FNDC3B: variants seen among roughly 807,000 people sequenced by gnomAD.
FNDC3B encodes fibronectin type III domain containing 3B.
FNDC3B carries 12 observed loss-of-function variants against 151.5 expected under a neutral mutation model. The observed-to-expected ratio is 0.08, with a 90% CI of 0.05 to 0.13. The LOEUF (loss-of-function observed/expected upper bound fraction) is 0.13, where lower values mean the gene tolerates loss of function less well. Among genes scored for constraint, FNDC3B ranks in the 10% least tolerant of loss-of-function variants. The pLI is 1.00. For missense variants in FNDC3B, 1,214 were observed against 1,505.3 expected, an observed-to-expected ratio of 0.81 and a Z score of 3.20; for synonymous variants, 528 against 549.0, an observed-to-expected ratio of 0.96 and a Z score of 0.54.
At chr3:172,117,607 C>T (rs1195980461) in intron 2 of FNDC3B, among the ~76,000 whole-genome samples, 1 of 152,170 alleles carries the variant, frequency 6.6e-6, no homozygotes, top group Non-Finnish European at 1.5e-5. Context: ...GTTAATTTAA[C>T]GTGATACTTA....
At position 172,298,424 on chromosome 3, in the gene FNDC3B, A is replaced by C. The variant is rs529938273; in HGVS notation, c.1002-304A>C. ...TTTTTATTCATTTGTTTGTTCATTC[A>C]TTCATTTGCTTACTTAGTTACTTAT... is the stretch of plus-strand genomic sequence containing the variant. On this transcript the variant is annotated intron_variant, in intron 8 of 25. Transcript: ENST00000415807. 2.1e-4 allele frequency among the ~76,000 whole-genome samples: 32 copies of C among 152,348 alleles called. No homozygotes were observed. The South Asian group carries it at 6.4e-3, about 31-fold the overall frequency.
At chr3:172,232,599 G>A (rs1726945724) in intron 4 of FNDC3B, among the ~76,000 whole-genome samples, 2 of 152,304 alleles carry the variant, frequency 1.3e-5, no homozygotes, top group South Asian at 2.1e-4. Flanking sequence ...TTAGTGGGAT[G>A]AGAGGTAGAG....
intron 3 of FNDC3B, among the ~76,000 whole-genome samples, chr3:172,189,421 G>A (rs1205156971): frequency 6.6e-6 from 1 of 152,108 alleles, no homozygotes; most frequent in Admixed American, 6.6e-5. Context: ...ACCTCAACAG[G>A]TGATCACCAT....
chr3:172,353,990 G>A (rs568503954), intron 22 of FNDC3B, among the ~76,000 whole-genome samples: 1 of 151,092 alleles, frequency 6.6e-6, no homozygotes, highest in African/African-American at 2.4e-5. Context: ...GATAGTCTTT[G>A]CTGGCCAATC....
chr3:172,072,691 G>C (rs1181909943), intron 1 of FNDC3B, among the ~76,000 whole-genome samples: 1 of 152,206 alleles, frequency 6.6e-6, no homozygotes, highest in African/African-American at 2.4e-5. Context: ...TAGGCGTGAT[G>C]ATAAGATAGT....
At chr3:172,376,161 A>G (rs1260833955) in intron 23 of FNDC3B, among the ~76,000 whole-genome samples, 1 of 152,270 alleles carries the variant, frequency 6.6e-6, no homozygotes, top group East Asian at 1.9e-4. Flanking sequence ...GAGCAAAACA[A>G]GAAGTTAAAG....
intron 16 of FNDC3B, among the ~76,000 whole-genome samples, chr3:172,339,825 C>G (rs1733198487): frequency 6.6e-6 from 1 of 152,134 alleles, no homozygotes; most frequent in Admixed American, 6.5e-5. Context: ...CTCCCAGTCA[C>G]CTTTTCAGTA....
At chr3:172,259,901 A>G (rs575457560) in intron 6 of FNDC3B, among the ~76,000 whole-genome samples, 33 of 152,244 alleles carry the variant, frequency 2.2e-4, no homozygotes, top group Non-Finnish European at 4.6e-4. Flanking sequence ...GAAGCTTCAC[A>G]TTTTTCACTT....
chr3:172,338,959 G>A (rs908436656), intron 16 of FNDC3B, among the ~76,000 whole-genome samples: 3 of 151,748 alleles, frequency 2.0e-5, no homozygotes, highest in African/African-American at 7.2e-5. Context: ...GGATAGTCTC[G>A]ATCTCCTGAC....
chr3:172,282,887 G>T (rs1033538249), intron 6 of FNDC3B, among the ~76,000 whole-genome samples: 2 of 152,204 alleles, frequency 1.3e-5, no homozygotes, highest in African/African-American at 4.8e-5. Flanking sequence ...TTCCTCATTT[G>T]TTCCTTATAT....
At chr3:172,203,656 G>A (rs1032534908) in intron 3 of FNDC3B, among the ~76,000 whole-genome samples, 2 of 152,164 alleles carry the variant, frequency 1.3e-5, no homozygotes, top group African/African-American at 4.8e-5. Flanking sequence ...CCAGATCGCA[G>A]TGGTAACAAC....
chr3:172,058,750 C>A (rs1211652685), intron 1 of FNDC3B, among the ~76,000 whole-genome samples: 1 of 152,112 alleles, frequency 6.6e-6, no homozygotes, highest in Non-Finnish European at 1.5e-5. Flanking sequence ...CAGAGTAAAT[C>A]ATCTCATTTT....
At chr3:172,152,956 G>C (rs538049375) in intron 3 of FNDC3B, among the ~76,000 whole-genome samples, 1 of 152,192 alleles carries the variant, frequency 6.6e-6, no homozygotes. Flanking sequence ...ATGACATCTG[G>C]CATGGCTTCT....
At chr3:172,246,996 C>T (rs566265127) in intron 4 of FNDC3B, among the ~76,000 whole-genome samples, 190 of 152,310 alleles carry the variant, frequency 1.2e-3, no homozygotes, top group Non-Finnish European at 2.2e-3. Flanking sequence ...GGCACACTTA[C>T]GGCTTCTGAC....
intron 23 of FNDC3B, among the ~76,000 whole-genome samples, chr3:172,376,401 C>T (rs760303723): frequency 6.6e-6 from 1 of 152,150 alleles, no homozygotes; most frequent in Non-Finnish European, 1.5e-5. Flanking sequence ...GGAAAGCATA[C>T]TGTTCCTAGT....
intron 2 of FNDC3B, among the ~76,000 whole-genome samples, chr3:172,132,140 G>C (rs995970535): frequency 2.2e-4 from 33 of 152,162 alleles, no homozygotes; most frequent in African/African-American, 8.0e-4. Context: ...TCAAAACACT[G>C]TTATCACAAG....
chr3:172,316,000 C>CTTTTTTTTTTTTTT (rs555242809), intron 11 of FNDC3B, among the ~76,000 whole-genome samples: 5 of 79,878 alleles, frequency 6.3e-5, no homozygotes, highest in South Asian at 6.3e-4. Context: ...CTTTCTTCTT[C>CTTTTTTTTTTTTTT]TTTTTTTTTT....
intron 8 of FNDC3B, among the ~76,000 whole-genome samples, chr3:172,297,364 A>AATACCT (rs1433123778): frequency 6.6e-6 from 1 of 152,216 alleles, no homozygotes; most frequent in East Asian, 1.9e-4. Flanking sequence ...GAAATCAAGG[A>AATACCT]ATACCTATAT....
rs975155488 is a variant in FNDC3B, at chr3:172,345,009, A to T, written c.2250+751A>T. On this transcript the variant is annotated intron_variant, in intron 19 of 25. Transcript: ENST00000415807. ...TCCAAAGTGCCAGTGGTTTGTGTAG[A>T]TGGGCTCCATGCAAATAAATAGAAT... Among the ~76,000 whole-genome samples, 7 of 152,278 alleles carry T rather than the reference A, an allele frequency of 4.6e-5. No individual in the cohort carries two copies. The South Asian group carries it at 1.5e-3, about 32-fold the overall frequency.
Sources: gnomAD v4.1 joint callset for allele counts (sites outside exome capture counted in the v4.1 genomes callset) on GRCh38, gnomAD v4.1.1 for gene constraint, MANE v1.5 for transcripts, NCBI Gene and HGNC (gene_info 2026-07-23, HGNC 2026-07-21) for gene names.